The following LRFN2 variants were observed in gnomAD, a reference collection of about 807,000 sequenced individuals.
The protein encoded by LRFN2 is leucine rich repeat and fibronectin type III domain containing 2, also known as leucine-rich repeat and fibronectin type-III domain-containing protein 2.
A neutral mutation model predicts 37.3 loss-of-function variants in LRFN2; 18 were observed. The observed-to-expected ratio is 0.48, with a 90% confidence interval of 0.33 to 0.72. The LOEUF is 0.72. Ranked by LOEUF, LRFN2 falls within the 30% of genes least tolerant of loss-of-function variation. The pLI is 0.02. For synonymous variants in LRFN2, 556 were observed against 466.6 expected, an observed-to-expected ratio of 1.19 and a Z score of -2.47; for missense variants, 1,006 against 1,060.7, an observed-to-expected ratio of 0.95 and a Z score of 0.72.
At chr6:40,571,964 G>A (rs1303336010) in intron 1 of LRFN2, among the ~76,000 whole-genome samples, 1 of 152,214 alleles carries the variant, frequency 6.6e-6, no homozygotes, top group East Asian at 1.9e-4. Context: ...GCTGCCCAGA[G>A]CACAGGGTCT....
rs573657063 is a variant in LRFN2 at position 40,401,959 on chromosome 6, C to A, written c.1401-9047G>T. 5.9e-5 allele frequency among the ~76,000 whole-genome samples: 9 copies of A among 152,284 alleles called. 1 individual carries two copies. In the South Asian group the frequency reaches 1.7e-3, roughly 28 times the overall value. ...GCTCTCTGTGTCCTCATTACTGGCT[C>A]TTCACAGAACCACTGGCTTGCCACC... On this transcript the variant is annotated intron_variant, in intron 2 of 2. Transcript: ENST00000338305.
chr6:40,483,159 C>T (rs1581740122), intron 1 of LRFN2, among the ~76,000 whole-genome samples: 2 of 152,254 alleles, frequency 1.3e-5, no homozygotes, highest in Admixed American at 6.5e-5. Flanking sequence ...GTGCCTAACA[C>T]TTACTTTAAG....
chr6:40,486,866 C>T (rs554901628), intron 1 of LRFN2, among the ~76,000 whole-genome samples: 33 of 152,254 alleles, frequency 2.2e-4, no homozygotes, highest in African/African-American at 7.7e-4. Context: ...TGACTTCCTT[C>T]TGAGATGATG....
chr6:40,422,201 C>T (rs1763244297), intron 2 of LRFN2, among the ~76,000 whole-genome samples: 1 of 152,142 alleles, frequency 6.6e-6, no homozygotes, highest in African/African-American at 2.4e-5. Context: ...TTAGATGAAG[C>T]AAATCTCAAA....
intron 1 of LRFN2, among the ~76,000 whole-genome samples, chr6:40,437,872 C>T: frequency 6.6e-6 from 1 of 152,162 alleles, no homozygotes; most frequent in Non-Finnish European, 1.5e-5. Flanking sequence ...CCAGGATATC[C>T]TCCATCTGGG....
chr6:40,432,695 G>A lies in LRFN2; in HGVS notation c.419C>T (p.Ala140Val). 1 of 1,614,172 alleles carries A rather than the reference G, an allele frequency of 6.2e-7. No homozygotes were observed. Among genetic ancestry groups the A allele is most frequent in the African/African-American group, 1.3e-5 (1 of 75,076 alleles). Residue 140 changes from alanine (A) to valine (V), a missense_variant, in exon 2 of 3, where the codon GCA (alanine) becomes GTA (valine). Ala to Val is a moderately conservative substitution (Grantham distance 64). Coordinates refer to ENST00000338305, the MANE Select transcript of LRFN2 (RefSeq NM_020737.3). ...CAGGAAGTCCTCAAAAGCCTCATCT[G>A]CGATGCCGCCCAGCTGGTTGTTGTT... ...IVNNNQLGGI[A>V]DEAFEDFLLT...
intron 1 of LRFN2, among the ~76,000 whole-genome samples, chr6:40,547,533 C>T (rs867696753): frequency 6.6e-6 from 1 of 152,160 alleles, no homozygotes; most frequent in South Asian, 2.1e-4. Flanking sequence ...TTCCATTTGA[C>T]CCTCCAGGTC....
In LRFN2 at chr6:40,392,079, G is replaced by A; in HGVS notation, c.2234C>T (p.Pro745Leu). Residue 745 changes from proline to leucine, a missense_variant, in exon 3 of 3, where the codon CCT (proline) becomes CTT (leucine). Pro to Leu is a moderately conservative substitution (Grantham distance 98). Coordinates refer to ENST00000338305, the MANE Select transcript of LRFN2 (RefSeq NM_020737.3). The surrounding 1 kb of genome is among the most constrained non-coding windows in gnomAD (Gnocchi z 4.7). Reference sequence around the variant, plus strand: ...CGTCCAGATGTTCGAGACCTTCCGAGGAGGACTGTAGCCGCCCGGCACGAC... The same window carrying A: ...CGTCCAGATGTTCGAGACCTTCCGAAGAGGACTGTAGCCGCCCGGCACGAC... ...GGVVPGGYSPPRKVSNIWTKR... is the reference protein window; with the variant it reads ...GGVVPGGYSPLRKVSNIWTKR... The A allele has an allele frequency of 6.2e-7, 1 of 1,614,082 alleles. No homozygotes were observed. The highest frequency in any genetic ancestry group is 8.5e-7 in the Non-Finnish European group (1 of 1,180,010).
intron 2 of LRFN2, among the ~76,000 whole-genome samples, chr6:40,425,083 C>A (rs1213566811): frequency 6.6e-6 from 1 of 152,204 alleles, no homozygotes; most frequent in East Asian, 1.9e-4. Flanking sequence ...CAGCCCCCTG[C>A]CCCAGCCCTG....
Position 40,498,213 on chromosome 6 carries a change from T to A in LRFN2, c.-18-65082A>T, listed in dbSNP as rs144257028. On this transcript the variant is annotated intron_variant, in intron 1 of 2. Transcript: ENST00000338305. ...TGGCATTGAAAGTGTAAGCAGGAGA[T>A]GGGACACAGCTGGAAGGGTCTGTCA... is the stretch of plus-strand genomic sequence containing the variant. Among the ~76,000 whole-genome samples the A allele has an allele frequency of 1.9e-3, 287 of 152,166 alleles. 2 individuals carry two copies. Among genetic ancestry groups the A allele is most frequent in the African/African-American group, 6.8e-3 (282 of 41,522 alleles).
chr6:40,410,114 G>A (rs1377508251), intron 2 of LRFN2, among the ~76,000 whole-genome samples: 1 of 152,172 alleles, frequency 6.6e-6, no homozygotes, highest in Non-Finnish European at 1.5e-5. Flanking sequence ...CAGCCAAGTG[G>A]AAGGTCCTGA....
chr6:40,513,073 G>A (rs963215031), intron 1 of LRFN2, among the ~76,000 whole-genome samples: 21 of 152,204 alleles, frequency 1.4e-4, no homozygotes, highest in African/African-American at 3.9e-4. Flanking sequence ...GGGACGCAGA[G>A]GTAGGGCCCA....
intron 1 of LRFN2, among the ~76,000 whole-genome samples, chr6:40,445,644 A>G (rs949176955): frequency 2.0e-5 from 3 of 152,232 alleles, no homozygotes; most frequent in Non-Finnish European, 4.4e-5. Context: ...GAAACCTTTT[A>G]AAGGAAGCAT....
intron 1 of LRFN2, among the ~76,000 whole-genome samples, chr6:40,511,804 A>G (rs1183362662): frequency 6.6e-6 from 1 of 152,232 alleles, no homozygotes; most frequent in African/African-American, 2.4e-5. Context: ...ACAATTATTC[A>G]AAGTTCTAAT....
chr6:40,411,346 C>G (rs900271759), intron 2 of LRFN2, among the ~76,000 whole-genome samples: 1 of 152,162 alleles, frequency 6.6e-6, no homozygotes, highest in Non-Finnish European at 1.5e-5. Context: ...AGTGAGTGGC[C>G]GTTGGCCAGT....
chr6:40,461,972 G>C (rs1764357563), intron 1 of LRFN2, among the ~76,000 whole-genome samples: 1 of 152,118 alleles, frequency 6.6e-6, no homozygotes, highest in Non-Finnish European at 1.5e-5. Flanking sequence ...ATTAGCTTAG[G>C]TAAGATCACA....
chr6:40,525,920 C>T (rs149059477), intron 1 of LRFN2, among the ~76,000 whole-genome samples: 2 of 152,186 alleles, frequency 1.3e-5, no homozygotes, highest in Admixed American at 1.3e-4. Flanking sequence ...ATGAACCCCC[C>T]TCAGAGGGCC....
chr6:40,577,824 TA>T (rs1330411362), intron 1 of LRFN2, among the ~76,000 whole-genome samples: 3 of 141,456 alleles, frequency 2.1e-5, no homozygotes, highest in Admixed American at 2.1e-4. Context: ...TTAAAAAAAA[TA>T]AAAATAAATA....
chr6:40,545,490 G>A (rs1350210930), intron 1 of LRFN2, among the ~76,000 whole-genome samples: 1 of 152,212 alleles, frequency 6.6e-6, no homozygotes, highest in African/African-American at 2.4e-5. Context: ...TCTCTCTCAT[G>A]TTTAAGCACT....
Sources: gnomAD v4.1 joint callset for allele counts (sites outside exome capture counted in the v4.1 genomes callset) on GRCh38, gnomAD v4.1.1 for gene constraint, Gnocchi (gnomAD v3.1) non-coding constraint, MANE v1.5 for transcripts, NCBI Gene and HGNC (gene_info 2026-07-23, HGNC 2026-07-21) for gene names.